The following PTPRG variants were observed in gnomAD, a reference collection of about 807,000 sequenced individuals.
PTPRG encodes protein tyrosine phosphatase receptor type G, also known as receptor-type tyrosine-protein phosphatase gamma.
Under a neutral mutation model 165.3 loss-of-function variants are expected in PTPRG, and 102 were observed. The ratio of observed to expected loss-of-function variants is 0.62; its 90% CI spans 0.53 to 0.73. The LOEUF is 0.73. Ranked by LOEUF, PTPRG falls within the 30% of genes least tolerant of loss-of-function variation. The pLI, the probability that PTPRG is intolerant of heterozygous loss-of-function variation, is 0.00. For synonymous variants in PTPRG, 675 were observed against 669.5 expected (o/e 1.01, Z -0.13); for missense variants, 1,866 against 1,861.4 (o/e 1.00, Z -0.05).
chr3:61,878,834 C>T (rs532130502), intron 2 of PTPRG, among the ~76,000 whole-genome samples: 1 of 152,172 alleles, frequency 6.6e-6, no homozygotes, highest in African/African-American at 2.4e-5. Flanking sequence ...TAGAACCGTC[C>T]TATATTTTTG....
At chr3:61,592,582 T>G (rs1257700103) in intron 1 of PTPRG, among the ~76,000 whole-genome samples, 1 of 152,146 alleles carries the variant, frequency 6.6e-6, no homozygotes, top group East Asian at 1.9e-4. Flanking sequence ...CATATTATTT[T>G]CTTAGTAGTC....
intron 4 of PTPRG, among the ~76,000 whole-genome samples, chr3:62,069,843 G>A (rs569098929): frequency 1.3e-5 from 2 of 152,190 alleles, no homozygotes; most frequent in South Asian, 4.2e-4. Flanking sequence ...CAGTGTAGAG[G>A]CAGAATTCCC....
chr3:61,742,013 G>C (rs906424485), intron 1 of PTPRG, among the ~76,000 whole-genome samples: 1 of 152,114 alleles, frequency 6.6e-6, no homozygotes, highest in South Asian at 2.1e-4. Flanking sequence ...ATCTCTCTGA[G>C]AGTAAAACTT....
intron 1 of PTPRG, among the ~76,000 whole-genome samples, chr3:61,736,135 T>G (rs1430802891): frequency 6.6e-6 from 1 of 151,988 alleles, no homozygotes; most frequent in Admixed American, 6.6e-5. Context: ...CTCAAACTCC[T>G]GAGCTCAGGC....
intron 13 of PTPRG, among the ~76,000 whole-genome samples, chr3:62,221,652 C>A (rs1362228834): frequency 5.3e-5 from 8 of 152,164 alleles, no homozygotes; most frequent in Non-Finnish European, 8.8e-5. Flanking sequence ...ACAGACTTGA[C>A]ATAAGTAGAG....
Position 62,245,908 on chromosome 3 carries a change from T to G in PTPRG, c.2467+2010T>G, listed in dbSNP as rs1302381699. Among the ~76,000 whole-genome samples, 1 of 152,080 alleles carries G rather than the reference T, an allele frequency of 6.6e-6. No homozygotes were observed. Among genetic ancestry groups the G allele is most frequent in the East Asian group, 1.9e-4 (1 of 5,166 alleles). On this transcript the variant is annotated intron_variant, in intron 15 of 29. Transcript: ENST00000474889. The surrounding 1 kb of genome is among the most constrained non-coding windows in gnomAD (Gnocchi z 4.2). ...TTGATATAGGCTTTAGAACTTTCAA[T>G]TCACTAGGATCCTCTGAATATGCCT...
At chr3:61,756,642 T>G (rs2106947591) in intron 2 of PTPRG, among the ~76,000 whole-genome samples, 1 of 152,284 alleles carries the variant, frequency 6.6e-6, no homozygotes, top group Admixed American at 6.5e-5. Context: ...GTTTCACAAG[T>G]GATTGTAAAG....
chr3:61,668,082 C>T (rs73110576), intron 1 of PTPRG, among the ~76,000 whole-genome samples: 8,387 of 152,286 alleles, frequency 0.055, 331 homozygotes, highest in East Asian at 0.17. Context: ...GCTTGCCAAG[C>T]CTAAAATATT....
intron 5 of PTPRG, among the ~76,000 whole-genome samples, chr3:62,090,876 A>G (rs781452828): frequency 2.6e-5 from 4 of 152,098 alleles, no homozygotes; most frequent in Admixed American, 6.6e-5. Context: ...ATAAATTCCA[A>G]CTTGCCACTT....
chr3:62,121,832 C>T (rs1703085249), intron 5 of PTPRG, among the ~76,000 whole-genome samples: 2 of 152,056 alleles, frequency 1.3e-5, no homozygotes, highest in Admixed American at 1.3e-4. Flanking sequence ...GAGAGTTGGC[C>T]CAGTGAGGAA....
intron 28 of PTPRG, among the ~76,000 whole-genome samples, chr3:62,291,650 G>C (rs1244734121): frequency 1.3e-5 from 2 of 152,116 alleles, no homozygotes; most frequent in African/African-American, 4.8e-5. Flanking sequence ...AATGGGCACA[G>C]GGCATCTGAA....
intron 2 of PTPRG, among the ~76,000 whole-genome samples, chr3:61,915,019 A>G (rs573152263): frequency 4.1e-4 from 63 of 152,244 alleles, no homozygotes; most frequent in Non-Finnish European, 8.7e-4. Context: ...TCACCAGGTC[A>G]GGAGTTCCAG....
chr3:61,830,169 T>A (rs977589191), intron 2 of PTPRG, among the ~76,000 whole-genome samples: 2 of 152,200 alleles, frequency 1.3e-5, no homozygotes, highest in African/African-American at 4.8e-5. Context: ...ATTGCTGTGA[T>A]GTCATGTGGC....
intron 1 of PTPRG, among the ~76,000 whole-genome samples, chr3:61,665,303 G>A (rs1470791502): frequency 2.6e-5 from 4 of 152,028 alleles, no homozygotes; most frequent in African/African-American, 7.3e-5. Context: ...TGGAAGTATC[G>A]TTTTAAATCT....
chr3:61,757,850 A>C (rs775067210), intron 2 of PTPRG, among the ~76,000 whole-genome samples: 2 of 152,132 alleles, frequency 1.3e-5, no homozygotes, highest in Non-Finnish European at 2.9e-5. Flanking sequence ...TTCTTTGGGG[A>C]GAGGGGTGTG....
intron 3 of PTPRG, among the ~76,000 whole-genome samples, chr3:61,990,555 C>A (rs955293678): frequency 1.3e-5 from 2 of 152,186 alleles, no homozygotes; most frequent in Non-Finnish European, 2.9e-5. Context: ...TATAGATTGT[C>A]CTTGTAAGTA....
At chr3:62,274,436 G>A (rs1702168607) in intron 23 of PTPRG, among the ~76,000 whole-genome samples, 1 of 152,022 alleles carries the variant, frequency 6.6e-6, no homozygotes. Flanking sequence ...AAATAATTAG[G>A]GCTCAGTCAT....
intron 14 of PTPRG, among the ~76,000 whole-genome samples, chr3:62,232,077 C>T (rs1700916928): frequency 6.6e-6 from 1 of 152,066 alleles, no homozygotes; most frequent in South Asian, 2.1e-4. Flanking sequence ...GGAGCAGTCC[C>T]TTTTTACTTT....
At chr3:62,223,271 C>T (rs558981778) in intron 13 of PTPRG, among the ~76,000 whole-genome samples, 2 of 152,254 alleles carry the variant, frequency 1.3e-5, no homozygotes, top group Admixed American at 1.3e-4. Context: ...GACTGTAACA[C>T]GGGCCTATAG....
Sources: allele counts gnomAD v4.1 joint callset (sites outside exome capture counted in the v4.1 genomes callset), GRCh38; gene constraint gnomAD v4.1.1; non-coding constraint Gnocchi (gnomAD v3.1); transcripts MANE v1.5; gene names NCBI Gene and HGNC (gene_info 2026-07-23, HGNC 2026-07-21).